RNF40: variants seen among roughly 807,000 people sequenced by gnomAD.
RNF40 encodes the protein ring finger protein 40.
A neutral mutation model predicts 123.3 loss-of-function variants in RNF40; 39 were observed. The observed-to-expected ratio is 0.32, with a 90% CI of 0.24 to 0.41. RNF40 has a LOEUF of 0.41. Among genes scored for constraint, RNF40 ranks in the 10% least tolerant of loss-of-function variants. The pLI, the probability that RNF40 is intolerant of heterozygous loss-of-function variation, is 1.00. For synonymous variants in RNF40, 538 were observed against 526.0 expected (o/e 1.02, Z -0.31); for missense variants, 1,003 against 1,319.9 (o/e 0.76, Z 3.72).
intron 2 of RNF40, 87 bp from the exon 3 acceptor site, chr16:30,763,031 C>T (rs946515077): frequency 9.7e-6 from 14 of 1,447,636 alleles, no homozygotes; most frequent in African/African-American, 1.4e-5. Context: ...CCATGCATTG[C>T]AGATGCTCTG....
chr16:30,766,736 C>G lies in RNF40; in HGVS notation c.1294-5C>G. 1 of 1,613,856 alleles carries G rather than the reference C, an allele frequency of 6.2e-7. No homozygotes were observed. The highest frequency in any genetic ancestry group is 8.5e-7 in the Non-Finnish European group (1 of 1,179,978). ...TGTGTGGGTCCTTAACACATCAACC[C>G]ACAGAGCGACGAGCTGGGGCTGCAG... is the stretch of plus-strand genomic sequence containing the variant. On this transcript the variant is annotated splice_polypyrimidine_tract_variant and splice_region_variant and intron_variant, in intron 10 of 19. Transcript: ENST00000324685. The surrounding 1 kb of genome is among the most constrained non-coding windows in gnomAD (Gnocchi z 5.4).
rs2053872589 is a variant in RNF40, at chr16:30,762,458, C to T, written c.-71-17C>T. 2.9e-6 allele frequency: 4 copies of T among 1,369,922 alleles called. No individual in the cohort carries two copies. Among genetic ancestry groups the T allele is most frequent in the South Asian group, 1.4e-5 (1 of 69,518 alleles). The allele number at this position is 1,369,922 out of a possible 1,614,324, so 84.9% of individuals were successfully genotyped here. Reference sequence around the variant, plus strand: ...AACACCAGCCGTTCCCACATCTCTGCTCTGTGTCTTCTGCAGGTGACGGAA... The same window carrying T: ...AACACCAGCCGTTCCCACATCTCTGTTCTGTGTCTTCTGCAGGTGACGGAA... On this transcript the variant is annotated splice_polypyrimidine_tract_variant and intron_variant, in intron 1 of 19. Transcript: ENST00000324685.
rs1348417181 is a variant in RNF40, at chr16:30,775,887, A to G, written c.*1773A>G. ...GCTGCTGGACCAGGACGAACTGGAGAAGGAGACGCGGGCCGCCACGGTGAC... is the reference window on the plus strand; with the variant it reads ...GCTGCTGGACCAGGACGAACTGGAGGAGGAGACGCGGGCCGCCACGGTGAC... On this transcript the variant is annotated 3_prime_UTR_variant, in exon 20 of 20. Transcript: ENST00000324685. 3 of 152,146 alleles carry G rather than the reference A, an allele frequency of 2.0e-5. No homozygotes were observed. The highest frequency in any genetic ancestry group is 4.8e-5 in the African/African-American group (2 of 41,412). The allele number at this position is 152,146 out of a possible 1,614,324, so 9.4% of individuals were successfully genotyped here.
chr16:30,765,406 G>A lies in RNF40; in HGVS notation c.919-19G>A. 2 of 1,614,176 alleles carry A rather than the reference G, an allele frequency of 1.2e-6. No individual in the cohort carries two copies. Among genetic ancestry groups the A allele is most frequent in the Non-Finnish European group, 8.5e-7 (1 of 1,179,992 alleles). On this transcript the variant is annotated intron_variant, in intron 7 of 19. Coordinates refer to ENST00000324685, the MANE Select transcript of RNF40 (RefSeq NM_014771.4). Reference sequence around the variant, plus strand: ...CTCCTCCCCTCTACATCCATTGCCTGTCTGTTTTCTCTCCACAGCTTAACT... The same window carrying A: ...CTCCTCCCCTCTACATCCATTGCCTATCTGTTTTCTCTCCACAGCTTAACT...
chr16:30,763,629 G>A, intron 4 of RNF40, 70 bp downstream of exon 4: 2 of 1,534,928 alleles, frequency 1.3e-6, no homozygotes, highest in East Asian at 2.3e-5. Flanking sequence ...GGGGACTTTG[G>A]TGTTGGGCCC....
Position 30,763,236 on chromosome 16 carries a change from A to G in RNF40, c.251A>G (p.Gln84Arg). 6.2e-7 allele frequency: 1 copy of G among 1,614,122 alleles called. No individual in the cohort carries two copies. The highest frequency in any genetic ancestry group is 8.5e-7 in the Non-Finnish European group (1 of 1,180,006). The change falls in exon 3 of 20, where the codon CAG becomes CGG. Residue 84 changes from glutamine (Q) to arginine (R), a missense_variant. By Grantham distance (43) the Gln-to-Arg change is conservative (BLOSUM62 1). Around this residue, in one of 11 missense-constraint regions of RNF40, gnomAD observed 21 missense variants for 43.7 expected, o/e 0.48. Coordinates refer to ENST00000324685, the MANE Select transcript of RNF40 (RefSeq NM_014771.4). ...RERIEKLEKR[Q>R]ATDDATLLIV... is the part of the protein sequence containing the mutation. ...CGAATTGAGAAGTTGGAGAAGCGGC[A>G]GGCCACAGATGATGCCACACTCCTC...
intron 19 of RNF40, 103 bp from the exon 20 acceptor site, chr16:30,773,835 C>G: frequency 8.7e-7 from 1 of 1,144,476 alleles, no homozygotes; most frequent in South Asian, 1.4e-5. Flanking sequence ...GGATGAGGTG[C>G]AGTCTCCAGT....
At chr16:30,761,782 G>A (rs1296738944), upstream of RNF40, 2 of 1,493,672 alleles carry the variant, frequency 1.3e-6, no homozygotes, top group Non-Finnish European at 1.8e-6. Flanking sequence ...GGCGCCCCGG[G>A]CTCCCGCCGC....
chr16:30,766,600 A>G lies in RNF40; in HGVS notation c.1293+42A>G. On this transcript the variant is annotated intron_variant, in intron 10 of 19. Transcript: ENST00000324685. This position sits in a 1 kb window ranked among gnomAD's most constrained non-coding sequence, Gnocchi z 5.4. ...GGCGTTAGGGCTGGGCTAAGGGCCA[A>G]ACCGTTAGTGTTGACGTGTTTGTGC... 6.3e-7 allele frequency: 1 copy of G among 1,587,696 alleles called. No individual in the cohort carries two copies. The highest frequency in any genetic ancestry group is 8.6e-7 in the Non-Finnish European group (1 of 1,164,784).
intron 17 of RNF40, 130 bp from the exon 18 acceptor site, chr16:30,771,703 T>C: frequency 9.9e-7 from 1 of 1,007,618 alleles, no homozygotes; most frequent in Non-Finnish European, 1.4e-6. Flanking sequence ...GGCTTAGGGC[T>C]CAGGAGGCAG....
At chr16:30,767,325 A>T (rs1313657414) in intron 11 of RNF40, among the ~76,000 whole-genome samples, 1 of 152,196 alleles carries the variant, frequency 6.6e-6, no homozygotes, top group African/African-American at 2.4e-5. Flanking sequence ...CTCTTGACAG[A>T]TAGGAAAGTA....
chr16:30,764,407 T>C (rs2151326895), intron 5 of RNF40, 22 bp downstream of exon 5: 1 of 1,595,680 alleles, frequency 6.3e-7, no homozygotes, highest in South Asian at 1.1e-5. Context: ...GTGCCCATAC[T>C]GAAGGGGTGT....
chr16:30,773,205 T>G (rs1356323947), intron 19 of RNF40, among the ~76,000 whole-genome samples: 1 of 152,072 alleles, frequency 6.6e-6, no homozygotes, highest in Non-Finnish European at 1.5e-5. Context: ...CACATATGAC[T>G]TGGTCATCCC....
At chr16:30,772,231 T>C in intron 19 of RNF40, 41 bp downstream of exon 19, 1 of 1,468,022 alleles carries the variant, frequency 6.8e-7, no homozygotes, top group Non-Finnish European at 9.3e-7. Context: ...CACCTGAGAA[T>C]TGTAGATGCA....
Position 30,771,921 on chromosome 16 carries a change from C to T in RNF40, c.2675C>T (p.Ala892Val). Residue 892 changes from alanine to valine, a missense_variant, in exon 18 of 20, where the codon GCA (alanine) becomes GTA (valine). Coordinates refer to ENST00000324685, the MANE Select transcript of RNF40 (RefSeq NM_014771.4). Reference protein sequence around the residue: ...TRLREIQPCLAESRAAREKES... With the variant: ...TRLREIQPCLVESRAAREKES... The stretch of plus-strand genomic sequence containing the variant: ...CTGCGGGAGATCCAGCCCTGCCTGG[C>T]AGAGAGCCGGGCTGCTCGTGAGAAA... 2 of 1,608,600 alleles carry T rather than the reference C, an allele frequency of 1.2e-6. No individual in the cohort carries two copies. The highest frequency in any genetic ancestry group is 8.5e-7 in the Non-Finnish European group (1 of 1,176,444).
chr16:30,770,119 A>ATGGATTTTTTTTTTTTTTTTCT (rs144255833), intron 17 of RNF40, among the ~76,000 whole-genome samples: 1 of 98,850 alleles, frequency 1.0e-5, no homozygotes, highest in Admixed American at 1.3e-4. Flanking sequence ...AAAACAAAAG[A>ATGGATTTTTTTTTTTTTTTTCT]TTTTTGAGTT....
Position 30,768,669 on chromosome 16 carries a change from A to G in RNF40, c.2030A>G (p.Lys677Arg), listed in dbSNP as rs778392343. The G allele has an allele frequency of 3.1e-6, 5 of 1,614,112 alleles. No individual in the cohort carries two copies. In the Admixed American group the frequency reaches 8.3e-5, roughly 27 times the overall value. The change falls in exon 14 of 20, where the codon AAG becomes AGG. Residue 677 changes from lysine to arginine, a missense_variant. Transcript: ENST00000324685. The surrounding 1 kb of genome is among the most constrained non-coding windows in gnomAD (Gnocchi z 4.1). ...ATGAAACTGCTGCTGGATATGTACA[A>G]GTCAGCGCCCAAGGAGCAGCGGGAT... ...KEMKLLLDMY[K>R]SAPKEQRDKV... is the part of the protein sequence containing the mutation.
At chr16:30,762,282 G>C (rs1394599057), upstream of RNF40, 3 of 463,516 alleles carry the variant, frequency 6.5e-6, no homozygotes, top group Non-Finnish European at 3.8e-6. Flanking sequence ...ACCGTTGGGG[G>C]GGGGGCAGTG....
chr16:30,761,662 C>A, upstream of RNF40: 2 of 1,535,922 alleles, frequency 1.3e-6, no homozygotes, highest in African/African-American at 1.4e-5. Flanking sequence ...TGCGATCCTT[C>A]CCCGCTTCCC....
Sources: allele counts gnomAD v4.1 joint callset (sites outside exome capture counted in the v4.1 genomes callset), GRCh38; gene constraint gnomAD v4.1.1; regional missense constraint gnomAD v4.1.1; non-coding constraint Gnocchi (gnomAD v3.1); transcripts MANE v1.5; gene names NCBI Gene and HGNC (gene_info 2026-07-23, HGNC 2026-07-21).